The following ARFGEF3 variants were observed in gnomAD, a reference collection of about 807,000 sequenced individuals.
ARFGEF3 encodes ARFGEF family member 3, also known as brefeldin A-inhibited guanine nucleotide-exchange protein 3.
Under a neutral mutation model 221.7 loss-of-function variants are expected in ARFGEF3, and 96 were observed. The ratio of observed to expected loss-of-function variants is 0.43; its 90% CI spans 0.37 to 0.51. The LOEUF is 0.51. Among genes scored for constraint, ARFGEF3 ranks in the 20% least tolerant of loss-of-function variants. The pLI is 0.00. For missense variants in ARFGEF3, 2,410 were observed against 2,789.9 expected (o/e 0.86, Z 3.07); for synonymous variants, 1,145 against 1,126.8 (o/e 1.02, Z -0.32).
chr6:138,315,138 C>T (rs777410099), intron 26 of ARFGEF3, among the ~76,000 whole-genome samples: 4 of 152,186 alleles, frequency 2.6e-5, no homozygotes, highest in African/African-American at 9.6e-5. Context: ...ATAATTACTT[C>T]TTACAGGACT....
chr6:138,238,723 C>A, intron 6 of ARFGEF3, 92 bp downstream of exon 6: 2 of 1,230,552 alleles, frequency 1.6e-6, no homozygotes, highest in East Asian at 2.4e-5. Flanking sequence ...CTGCCTGCCT[C>A]CTGAAAACAG....
chr6:138,212,691 CA>C (rs1279132900), intron 4 of ARFGEF3, among the ~76,000 whole-genome samples: 1 of 152,132 alleles, frequency 6.6e-6, no homozygotes, highest in Non-Finnish European at 1.5e-5. Context: ...GAATACTATG[CA>C]GCCATAAAAA....
chr6:138,190,341 A>T (rs1777278093), intron 2 of ARFGEF3, among the ~76,000 whole-genome samples: 1 of 152,000 alleles, frequency 6.6e-6, no homozygotes, highest in South Asian at 2.1e-4. Flanking sequence ...GAATGCTAAC[A>T]GGGCAAGCAG....
intron 6 of ARFGEF3, among the ~76,000 whole-genome samples, chr6:138,242,269 C>A (rs781188970): frequency 4.6e-5 from 7 of 152,208 alleles, no homozygotes; most frequent in Non-Finnish European, 1.0e-4. Flanking sequence ...AGTCTCTTCT[C>A]AGTAGTCACT....
intron 12 of ARFGEF3, among the ~76,000 whole-genome samples, chr6:138,266,561 A>G (rs945535887): frequency 2.0e-5 from 3 of 152,022 alleles, no homozygotes; most frequent in Admixed American, 6.5e-5. Context: ...AAGATGTGCC[A>G]TAGTTCGGCT....
intron 1 of ARFGEF3, among the ~76,000 whole-genome samples, chr6:138,167,671 T>C (rs1776748001): frequency 6.6e-6 from 1 of 152,218 alleles, no homozygotes; most frequent in South Asian, 2.1e-4. Flanking sequence ...TTCACTTCTT[T>C]CTACCTCTGT....
At chr6:138,324,404 A>C (rs1780092770) in intron 31 of ARFGEF3, among the ~76,000 whole-genome samples, 1 of 152,172 alleles carries the variant, frequency 6.6e-6, no homozygotes, top group African/African-American at 2.4e-5. Flanking sequence ...CCCTTTCAGC[A>C]GCCTCGCCAC....
intron 21 of ARFGEF3, among the ~76,000 whole-genome samples, chr6:138,297,397 AC>A (rs1239397756): frequency 6.6e-6 from 1 of 152,228 alleles, no homozygotes; most frequent in Admixed American, 6.5e-5. Flanking sequence ...GGTTTTCCCA[AC>A]AAAATTAATA....
At chr6:138,329,950 A>G (rs1429002090) in intron 32 of ARFGEF3, among the ~76,000 whole-genome samples, 2 of 151,616 alleles carry the variant, frequency 1.3e-5, no homozygotes, top group Non-Finnish European at 2.9e-5. Flanking sequence ...GGGCCGTTTT[A>G]TAGGATTTGG....
At chr6:138,198,681 G>T (rs1204522330) in intron 2 of ARFGEF3, among the ~76,000 whole-genome samples, 1 of 143,294 alleles carries the variant, frequency 7.0e-6, no homozygotes, top group Non-Finnish European at 1.5e-5. Context: ...TCAGCAGCTA[G>T]TTCCAAAGCC....
intron 25 of ARFGEF3, 103 bp from the exon 26 acceptor site, chr6:138,313,692 C>T (rs1158133488): frequency 1.1e-6 from 1 of 907,642 alleles, no homozygotes; most frequent in East Asian, 2.6e-5. Context: ...GTCTAGTTTC[C>T]CATCTCCTTT....
At chr6:138,221,905 T>C (rs1777989360) in intron 4 of ARFGEF3, among the ~76,000 whole-genome samples, 1 of 152,208 alleles carries the variant, frequency 6.6e-6, no homozygotes, top group Admixed American at 6.5e-5. Flanking sequence ...TTGCCAGAAA[T>C]TTGGCAAGTT....
chr6:138,252,372 CATA>C (rs1375277420), intron 8 of ARFGEF3, among the ~76,000 whole-genome samples: 1 of 152,144 alleles, frequency 6.6e-6, no homozygotes, highest in Non-Finnish European at 1.5e-5. Flanking sequence ...GGCTTTAGAG[CATA>C]ATATCAATGT....
rs780809028 is a variant in ARFGEF3, at chr6:138,336,488, C to T, written c.*2C>T. On this transcript the variant is annotated 3_prime_UTR_variant, in exon 34 of 34. Transcript: ENST00000251691. ...CGTGTCTATGACATCATTGTGTAGC[C>T]GACTCCTGTTCTACTCTCCCACCAA... is the stretch of plus-strand genomic sequence containing the variant. 1.8e-5 allele frequency: 29 copies of T among 1,599,738 alleles called. No homozygotes were observed. The highest frequency in any genetic ancestry group is 2.3e-5 in the East Asian group (1 of 44,190).
chr6:138,171,838 A>G (rs1166329263), intron 2 of ARFGEF3, among the ~76,000 whole-genome samples: 1 of 152,180 alleles, frequency 6.6e-6, no homozygotes, highest in Non-Finnish European at 1.5e-5. Context: ...AAAATGTTAC[A>G]TATACTTCCA....
chr6:138,321,145 G>T lies in ARFGEF3; in HGVS notation c.4686G>T (p.Leu1562=). 6.4e-7 allele frequency: 1 copy of T among 1,564,100 alleles called. No individual in the cohort carries two copies. The highest frequency in any genetic ancestry group is 2.4e-5 in the East Asian group (1 of 42,438). ...ACGAGAGCATGATCAATACCATGCT[G>T]AAGGACCTCTTTGAGTTGCTGGTCG... ...IRYESMINTM[L]KDLFELLVAC... is the part of the protein sequence containing the mutation. Residue 1562 remains leucine (L), a synonymous_variant, in exon 29 of 34, where the codon CTG becomes CTT. Transcript: ENST00000251691.
chr6:138,219,576 T>G (rs1562358068), intron 4 of ARFGEF3, among the ~76,000 whole-genome samples: 1 of 152,170 alleles, frequency 6.6e-6, no homozygotes, highest in Non-Finnish European at 1.5e-5. Flanking sequence ...AAGGTGTGGC[T>G]GAGTGCACTG....
Position 138,311,455 on chromosome 6 carries a change from C to A in ARFGEF3, c.4145C>A (p.Ala1382Asp), listed in dbSNP as rs766841274. Reference sequence around the variant, plus strand: ...GGAGACTGTGCCCCAGCACCCGGAGCCCCGTCCACAGACCTGTGCCTCCCG... The same window carrying A: ...GGAGACTGTGCCCCAGCACCCGGAGACCCGTCCACAGACCTGTGCCTCCCG... ...EIGDCAPAPG[A>D]PSTDLCLPAL... The change falls in exon 25 of 34, where the codon GCC becomes GAC. Residue 1382 changes from alanine to aspartate, a missense_variant. Around this residue, in one of 5 missense-constraint regions of ARFGEF3, gnomAD observed 723 missense variants for 991.9 expected, o/e 0.73. Transcript: ENST00000251691. 1 of 1,608,774 alleles carries A rather than the reference C, an allele frequency of 6.2e-7. No homozygotes were observed.
At chr6:138,163,017 C>A (rs1214467760) in intron 1 of ARFGEF3, among the ~76,000 whole-genome samples, 1 of 152,208 alleles carries the variant, frequency 6.6e-6, no homozygotes, top group Non-Finnish European at 1.5e-5. Flanking sequence ...TGATGTGATG[C>A]CTCAGTTGCC....
Sources: allele counts gnomAD v4.1 joint callset (sites outside exome capture counted in the v4.1 genomes callset), GRCh38; gene constraint gnomAD v4.1.1; regional missense constraint gnomAD v4.1.1; transcripts MANE v1.5; gene names NCBI Gene and HGNC (gene_info 2026-07-23, HGNC 2026-07-21).